Variants in CFAP74 observed in about 807,000 individuals in gnomAD.
CFAP74 encodes the protein cilia- and flagella-associated protein 74.
A neutral mutation model predicts 188.9 loss-of-function variants in CFAP74; 124 were observed. That is an observed-to-expected ratio of 0.66 (90% CI 0.57 to 0.76). The LOEUF (loss-of-function observed/expected upper bound fraction) is 0.76. CFAP74 is among the 30% of genes least tolerant of loss of function. CFAP74 has a pLI of 0.00. For missense variants in CFAP74, 2,198 were observed against 2,165.2 expected (o/e 1.02, Z -0.30); for synonymous variants, 956 against 916.7 (o/e 1.04, Z -0.77).
At position 1,946,380 on chromosome 1, in the gene CFAP74, C is replaced by T. The variant is rs189205095; in HGVS notation, c.2301G>A (p.Pro767=). The T allele has an allele frequency of 5.6e-4, 865 of 1,536,940 alleles. 7 individuals are homozygous for T. In the South Asian group the frequency reaches 8.0e-3, roughly 14 times the overall value. ...TGGCTTGGACGTCGCCTGGGACGACCGGAGTGAAGACGATGGGCACCTTGA... is the reference window on the plus strand; with the variant it reads ...TGGCTTGGACGTCGCCTGGGACGACTGGAGTGAAGACGATGGGCACCTTGA... ...SSIKVPIVFT[P]VVPGDVQARF... The change falls in exon 20 of 39, where the codon CCG becomes CCA. Residue 767 remains proline (P), a synonymous_variant. Coordinates refer to ENST00000682832, the MANE Select transcript of CFAP74 (RefSeq NM_001304360.2).
chr1:1,963,272 A>G (rs987480462), intron 14 of CFAP74, among the ~76,000 whole-genome samples: 2 of 151,972 alleles, frequency 1.3e-5, no homozygotes, highest in African/African-American at 4.8e-5. Context: ...GCAACATGGT[A>G]AAACCCGGTC....
chr1:1,979,350 C>T (rs1485449437), intron 6 of CFAP74, among the ~76,000 whole-genome samples: 11 of 142,306 alleles, frequency 7.7e-5, no homozygotes, highest in African/African-American at 2.9e-4. Flanking sequence ...CAAGGCTGCA[C>T]AGAACATGCG....
intron 20 of CFAP74, among the ~76,000 whole-genome samples, chr1:1,945,936 CGT>C (rs1305928338): frequency 1.3e-4 from 16 of 123,086 alleles, no homozygotes; most frequent in Non-Finnish European, 4.9e-5. Context: ...CATGTGTGCA[CGT>C]GTGTGTGGGG....
At chr1:1,948,898 CT>C (rs1653974153) in intron 18 of CFAP74, among the ~76,000 whole-genome samples, 1 of 85,950 alleles carries the variant, frequency 1.2e-5, no homozygotes, top group Non-Finnish European at 2.4e-5. Flanking sequence ...TCCCTCCCTC[CT>C]TCCCTTCCTT....
chr1:1,936,163 G>C lies in CFAP74; in HGVS notation c.3011+2692C>G, dbSNP rs1428447778. On this transcript the variant is annotated intron_variant, in intron 25 of 38. Transcript: ENST00000682832. ...ACCTGGGAGGCAGAGGTTGTGGTGAGCCGAGATTGCGCCATTGCACTCCAG... is the reference window on the plus strand; with the variant it reads ...ACCTGGGAGGCAGAGGTTGTGGTGACCCGAGATTGCGCCATTGCACTCCAG... Among the ~76,000 whole-genome samples the C allele has an allele frequency of 3.3e-5, 5 of 150,840 alleles. No homozygotes were observed. In the East Asian group the frequency reaches 9.7e-4, roughly 29 times the overall value.
At chr1:1,992,970 G>A (rs898165151) in intron 1 of CFAP74, among the ~76,000 whole-genome samples, 3 of 151,402 alleles carry the variant, frequency 2.0e-5, no homozygotes, top group Non-Finnish European at 4.4e-5. Context: ...GGAGGCCAAG[G>A]TGGGCAGATC....
chr1:1,970,416 G>A (rs1655864744), intron 10 of CFAP74, among the ~76,000 whole-genome samples: 1 of 152,176 alleles, frequency 6.6e-6, no homozygotes, highest in Non-Finnish European at 1.5e-5. Context: ...CGTCTGGGAG[G>A]GGAGAAGGGG....
At chr1:1,997,901 G>A (rs373330186) in intron 1 of CFAP74, among the ~76,000 whole-genome samples, 4 of 152,288 alleles carry the variant, frequency 2.6e-5, no homozygotes, top group East Asian at 3.9e-4. Flanking sequence ...TTCAAATCTC[G>A]ATTCAAGCAA....
chr1:1,982,209 G>A (rs1264086981), intron 6 of CFAP74, among the ~76,000 whole-genome samples: 44 of 144,570 alleles, frequency 3.0e-4, no homozygotes, highest in African/African-American at 2.8e-4. Flanking sequence ...ACACCCAGCC[G>A]TGGTCACACG....
rs918584714 is a variant in CFAP74, at chr1:1,975,915, C to T, written c.501-1717G>A. On this transcript the variant is annotated intron_variant, in intron 6 of 38. Transcript: ENST00000682832. The surrounding 1 kb of genome is among the most constrained non-coding windows in gnomAD (Gnocchi z 4.5). ...ACGCTGTCCCAGATGCTGTCGTCGC[C>T]CATTCCTGCTGCTGTAGGAAAACAC... 6.6e-6 allele frequency among the ~76,000 whole-genome samples: 1 copy of T among 152,150 alleles called. No individual in the cohort carries two copies. Among genetic ancestry groups the T allele is most frequent in the African/African-American group, 2.4e-5 (1 of 41,416 alleles).
At chr1:2,002,886 A>G (rs1557432001) in intron 1 of CFAP74, among the ~76,000 whole-genome samples, 2 of 150,964 alleles carry the variant, frequency 1.3e-5, no homozygotes, top group Non-Finnish European at 2.9e-5. Flanking sequence ...GGACACATGC[A>G]TAGGTAGTAA....
chr1:1,947,961 C>T (rs578262706), intron 18 of CFAP74, among the ~76,000 whole-genome samples: 93 of 152,256 alleles, frequency 6.1e-4, no homozygotes, highest in South Asian at 2.3e-3. Context: ...CAACTTCTGC[C>T]TCCCGGGTTC....
intron 14 of CFAP74, among the ~76,000 whole-genome samples, chr1:1,961,719 C>A (rs1357587930): frequency 6.6e-6 from 1 of 152,206 alleles, no homozygotes; most frequent in African/African-American, 2.4e-5. Context: ...AAAGTAAACA[C>A]CAACCTCCAG....
Position 1,988,970 on chromosome 1 carries a change from C to T in CFAP74, c.71G>A (p.Arg24Lys). Residue 24 changes from arginine to lysine, a missense_variant, in exon 3 of 39, where the codon AGA becomes AAA. Physicochemically the swap from Arg to Lys is conservative, Grantham distance 26. Coordinates refer to ENST00000682832, the MANE Select transcript of CFAP74 (RefSeq NM_001304360.2). ...LADALLLEDE[R>K]DELEDPEFDI... ...AAACTCCGGATCCTCTAATTCATCT[C>T]TTTCTAGAAATCAAGGCAAGAGTTT... 3 of 1,502,152 alleles carry T rather than the reference C, an allele frequency of 2.0e-6. No homozygotes were observed. Among genetic ancestry groups the T allele is most frequent in the South Asian group, 2.3e-5 (2 of 86,314 alleles). 93.1% of individuals were successfully genotyped at this position (1,502,152 alleles called of 1,614,324 possible). A position where few individuals can be genotyped will look rare whatever the true frequency, so the allele number is the denominator to read the frequency against.
In CFAP74 at chr1:1,987,995, G is replaced by A. The variant is rs138397817; in HGVS notation, c.296+517C>T. On this transcript the variant is annotated intron_variant, in intron 4 of 38. Transcript: ENST00000682832. Reference sequence around the variant, plus strand: ...TCAGTTTTTTATTTTTAGAGACAGGGTCTTGCTCTGTCACCCAGGCTTGCT... The same window carrying A: ...TCAGTTTTTTATTTTTAGAGACAGGATCTTGCTCTGTCACCCAGGCTTGCT... 1,454 of 424,906 alleles carry A rather than the reference G, an allele frequency of 3.4e-3. 10 individuals carry two copies. The highest frequency in any genetic ancestry group is 0.032 in the East Asian group (439 of 13,858). 26.3% of individuals were successfully genotyped at this position (424,906 alleles called of 1,614,324 possible). A position where few individuals can be genotyped will look rare whatever the true frequency, so the allele number is the denominator to read the frequency against.
rs527619231 is a variant in CFAP74, at chr1:1,971,259, GCA to G, written c.889-445_889-444del. On this transcript the variant is annotated intron_variant, in intron 9 of 38. Coordinates refer to ENST00000682832, the MANE Select transcript of CFAP74 (RefSeq NM_001304360.2). The stretch of plus-strand genomic sequence containing the variant: ...CACACACATGCACACACTCACGCAT[GCA>G]CACACATGCAAACCTGCACACACGT... Among the ~76,000 whole-genome samples the G allele has an allele frequency of 8.7e-4, 124 of 142,234 alleles. 1 individual carries two copies. Among genetic ancestry groups the G allele is most frequent in the Admixed American group, 2.9e-3 (42 of 14,330 alleles). The allele number at this position is 142,234 out of a possible 152,430, so 93.3% of individuals were successfully genotyped here.
chr1:1,955,029 C>T (rs1278596278), intron 18 of CFAP74: 14 of 1,095,920 alleles, frequency 1.3e-5, no homozygotes, highest in African/African-American at 3.5e-5. Context: ...GGAAGTGCGG[C>T]TCACACCGGA....
At chr1:1,944,721 C>T (rs578204668) in intron 20 of CFAP74, among the ~76,000 whole-genome samples, 1 of 152,328 alleles carries the variant, frequency 6.6e-6, no homozygotes, top group African/African-American at 2.4e-5. Flanking sequence ...ATTCTCCTGC[C>T]TTGGCCTCCC....
chr1:1,924,764 T>C (rs1410341337), intron 33 of CFAP74, among the ~76,000 whole-genome samples: 1 of 152,216 alleles, frequency 6.6e-6, no homozygotes. Flanking sequence ...TGGACAGCTC[T>C]GGGGTGTCAC....
Sources: gnomAD v4.1 joint callset for allele counts (sites outside exome capture counted in the v4.1 genomes callset) on GRCh38, gnomAD v4.1.1 for gene constraint, Gnocchi (gnomAD v3.1) non-coding constraint, MANE v1.5 for transcripts, NCBI Gene and HGNC (gene_info 2026-07-23, HGNC 2026-07-21) for gene names.